The following MBTD1 variants were observed in gnomAD, a reference collection of about 807,000 sequenced individuals.
MBTD1 encodes the protein MBT domain-containing protein 1.
MBTD1 carries 24 observed loss-of-function variants against 87.8 expected under a neutral mutation model. The ratio of observed to expected loss-of-function variants is 0.27; its 90% CI spans 0.20 to 0.38. The LOEUF is 0.38. MBTD1 is among the 10% of genes least tolerant of loss of function. The pLI, the probability that MBTD1 is intolerant of heterozygous loss-of-function variation, is 1.00. For synonymous variants in MBTD1, 237 were observed against 248.6 expected (o/e 0.95, Z 0.44); for missense variants, 436 against 760.2 (o/e 0.57, Z 5.02).
intron 2 of MBTD1, among the ~76,000 whole-genome samples, chr17:51,233,167 A>G (rs2053638292): frequency 6.6e-6 from 1 of 152,040 alleles, no homozygotes; most frequent in African/African-American, 2.4e-5. Context: ...CCACATCTAA[A>G]CAGACCATAG....
intron 2 of MBTD1, among the ~76,000 whole-genome samples, chr17:51,257,270 G>T (rs555767664): frequency 6.6e-6 from 1 of 152,254 alleles, no homozygotes; most frequent in South Asian, 2.1e-4. Context: ...AGTGTGAAAG[G>T]TTATATCTTA....
intron 2 of MBTD1, among the ~76,000 whole-genome samples, chr17:51,252,493 A>G (rs2054846837): frequency 6.6e-6 from 1 of 152,070 alleles, no homozygotes; most frequent in Non-Finnish European, 1.5e-5. Context: ...TGGGAGACCA[A>G]GGGTGGGTGG....
At chr17:51,201,759 T>C (rs1447264706) in intron 11 of MBTD1, 63 bp from the exon 12 acceptor site, 2 of 1,137,200 alleles carry the variant, frequency 1.8e-6, no homozygotes, top group Non-Finnish European at 2.6e-6. Context: ...AATTAAAATA[T>C]TACCAATGTG....
In MBTD1 at chr17:51,214,944, C is replaced by G. The variant is rs148660055; in HGVS notation, c.486+2390G>C. 5.9e-5 allele frequency among the ~76,000 whole-genome samples: 9 copies of G among 152,280 alleles called. No homozygotes were observed. In the South Asian group the frequency reaches 6.2e-4, roughly 11 times the overall value. ...ACCCAGAAAACTGTTTCGGAGGGGA[C>G]AACCAGGAAGAGTCAACTCTAAAGG... On this transcript the variant is annotated intron_variant, in intron 6 of 16. Transcript: ENST00000586178.
chr17:51,259,898 CGGCGCCCCCTCCCCGGGCTGGG>C lies in MBTD1; in HGVS notation c.-198_-177del, dbSNP rs2055369884. On this transcript the variant is annotated 5_prime_UTR_variant, in exon 1 of 17. Coordinates refer to ENST00000586178, the MANE Select transcript of MBTD1 (RefSeq NM_017643.3). ...GGGTTGTCCGTGCTCCCCGAGCCCGCGGCGCCCCCTCCCCGGGCTGGGGGCAGGTGCCTCTCCCCGGGACTGC... is the reference window on the plus strand; with the variant it reads ...GGGTTGTCCGTGCTCCCCGAGCCCGCGGCAGGTGCCTCTCCCCGGGACTGC... 1 of 1,231,550 alleles carries C rather than the reference CGGCGCCCCCTCCCCGGGCTGGG, an allele frequency of 8.1e-7. No homozygotes were observed. Among genetic ancestry groups the C allele is most frequent in the Non-Finnish European group, 1.0e-6 (1 of 987,630 alleles). 76.3% of individuals were successfully genotyped at this position (1,231,550 alleles called of 1,614,324 possible).
At chr17:51,224,064 A>AG (rs1341277859) in intron 3 of MBTD1, among the ~76,000 whole-genome samples, 1 of 152,208 alleles carries the variant, frequency 6.6e-6, no homozygotes, top group African/African-American at 2.4e-5. Context: ...TGCCTTGAAA[A>AG]GGGGAGATAA....
Position 51,203,213 on chromosome 17 carries a change from T to C in MBTD1, c.755A>G (p.Tyr252Cys), listed in dbSNP as rs746517606. 1 of 1,550,998 alleles carries C rather than the reference T, an allele frequency of 6.4e-7. No homozygotes were observed. Among genetic ancestry groups the C allele is most frequent in the East Asian group, 2.3e-5 (1 of 44,292 alleles). Residue 252 changes from tyrosine to cysteine, a missense_variant, in exon 9 of 17, where the codon TAT (tyrosine) becomes TGT (cysteine). This residue lies in a region of MBTD1 where 268 missense variants were observed against 401.8 expected (regional missense o/e 0.67). Transcript: ENST00000586178. ...LVPPRTIQHK[Y>C]TNWKAFLVKR... ...CACTAGAAAAGCTTTCCAGTTTGTA[T>C]ATTTATGCTGAATAGCTAAAATAGA...
At chr17:51,195,492 T>C in intron 12 of MBTD1, 131 bp from the exon 13 acceptor site, 1 of 613,780 alleles carries the variant, frequency 1.6e-6, no homozygotes, top group Non-Finnish European at 2.7e-6. Flanking sequence ...GCTTCTCTAT[T>C]GAGTTATGTT....
chr17:51,181,766 C>G (rs1215550341), intron 16 of MBTD1, among the ~76,000 whole-genome samples: 1 of 152,216 alleles, frequency 6.6e-6, no homozygotes, highest in African/African-American at 2.4e-5. Context: ...CAGTTCAAAG[C>G]TGAGTGCCTG....
At chr17:51,202,225 A>G in intron 10 of MBTD1, 148 bp from the exon 11 acceptor site, 2 of 618,810 alleles carry the variant, frequency 3.2e-6, no homozygotes, top group Non-Finnish European at 5.7e-6. Context: ...AATATTCTTT[A>G]ATAGTCTTTT....
intron 2 of MBTD1, among the ~76,000 whole-genome samples, chr17:51,233,060 C>CAAAAAAA (rs11457634): frequency 3.2e-4 from 13 of 40,514 alleles, no homozygotes; most frequent in South Asian, 3.8e-3. Context: ...CTTCCCTCAC[C>CAAAAAAA]AAAAAAAAAA....
intron 12 of MBTD1, among the ~76,000 whole-genome samples, chr17:51,200,789 G>A (rs1420500716): frequency 6.9e-6 from 1 of 144,524 alleles, no homozygotes; most frequent in Non-Finnish European, 1.6e-5. Context: ...ACCTGAGCCT[G>A]GGAGGCAGAG....
chr17:51,203,894 A>G lies in MBTD1; in HGVS notation c.636T>C (p.Phe212=). The G allele has an allele frequency of 6.2e-7, 1 of 1,612,166 alleles. No individual in the cohort carries two copies. Among genetic ancestry groups the G allele is most frequent in the Non-Finnish European group, 8.5e-7 (1 of 1,179,370 alleles). The change falls in exon 8 of 17, where the codon TTT becomes TTC. Residue 212 remains phenylalanine (F), a synonymous_variant. Transcript: ENST00000586178. The part of the protein sequence containing the change: ...GYNALLRYEG[F]ENDSGLDFWC... Reference sequence around the variant, plus strand: ...AGAAGTCCAGACCAGAGTCATTTTCAAATCCTTCATATCTTAAAAGGGCAT... The same window carrying G: ...AGAAGTCCAGACCAGAGTCATTTTCGAATCCTTCATATCTTAAAAGGGCAT...
intron 2 of MBTD1, among the ~76,000 whole-genome samples, chr17:51,243,173 C>T (rs1421967178): frequency 6.6e-6 from 1 of 152,096 alleles, no homozygotes; most frequent in Admixed American, 6.5e-5. Context: ...TAATCATTTG[C>T]ACCAGCAATA....
Position 51,180,707 on chromosome 17 carries a change from G to C in MBTD1, c.1769-13C>G. ...TGCAGTGTTGTCACTGAATGAAAGA[G>C]AGAGAAACATATGGGCATTAAGGCT... On this transcript the variant is annotated splice_polypyrimidine_tract_variant and intron_variant, in intron 16 of 16. Transcript: ENST00000586178. 1 of 1,417,110 alleles carries C rather than the reference G, an allele frequency of 7.1e-7. No individual in the cohort carries two copies. Among genetic ancestry groups the C allele is most frequent in the Non-Finnish European group, 9.8e-7 (1 of 1,024,466 alleles). The allele number at this position is 1,417,110 out of a possible 1,614,324, so 87.8% of individuals were successfully genotyped here.
intron 2 of MBTD1, among the ~76,000 whole-genome samples, chr17:51,247,813 G>C (rs1373894717): frequency 6.6e-6 from 1 of 152,182 alleles, no homozygotes; most frequent in Admixed American, 6.5e-5. Flanking sequence ...GTAGCATCGG[G>C]AGTATCTGGT....
intron 15 of MBTD1, 29 bp from the exon 16 acceptor site, chr17:51,192,309 T>C: frequency 6.9e-7 from 1 of 1,446,906 alleles, no homozygotes; most frequent in Non-Finnish European, 9.5e-7. Flanking sequence ...AAATTGGTAC[T>C]AGATAATTGT....
At chr17:51,245,061 C>T (rs772650772) in intron 2 of MBTD1, among the ~76,000 whole-genome samples, 13 of 152,054 alleles carry the variant, frequency 8.5e-5, no homozygotes, top group African/African-American at 1.7e-4. Flanking sequence ...CCACCACGCC[C>T]GGCTAATTTT....
chr17:51,233,272 T>A (rs2053643192), intron 2 of MBTD1, among the ~76,000 whole-genome samples: 1 of 152,066 alleles, frequency 6.6e-6, no homozygotes, highest in African/African-American at 2.4e-5. Flanking sequence ...GTAGACAGTC[T>A]AATCAGGTGC....
Sources: allele counts gnomAD v4.1 joint callset (sites outside exome capture counted in the v4.1 genomes callset), GRCh38; gene constraint gnomAD v4.1.1; regional missense constraint gnomAD v4.1.1; transcripts MANE v1.5; gene names NCBI Gene and HGNC (gene_info 2026-07-23, HGNC 2026-07-21).